The following FAF1 variants were observed in gnomAD, a reference collection of about 807,000 sequenced individuals.
FAF1 encodes the protein FAS-associated factor 1.
FAF1 carries 25 observed loss-of-function variants against 92.5 expected under a neutral mutation model. The ratio of observed to expected loss-of-function variants is 0.27; its 90% CI spans 0.20 to 0.38. FAF1 has a LOEUF of 0.38. Ranked by LOEUF, FAF1 falls within the 10% of genes least tolerant of loss-of-function variation. FAF1 has a pLI of 1.00. For missense variants in FAF1, 636 were observed against 793.3 expected (o/e 0.80, Z 2.38); for synonymous variants, 234 against 273.2 (o/e 0.86, Z 1.42).
chr1:50,607,662 C>A (rs1165217604), intron 8 of FAF1, among the ~76,000 whole-genome samples: 1 of 152,214 alleles, frequency 6.6e-6, no homozygotes, highest in Admixed American at 6.5e-5. Context: ...AAAACTTCTT[C>A]AAAACTCAGC....
chr1:50,883,737 A>T (rs530795905), intron 1 of FAF1, among the ~76,000 whole-genome samples: 85 of 152,290 alleles, frequency 5.6e-4, no homozygotes, highest in South Asian at 8.3e-4. Flanking sequence ...TGTAAAAAAA[A>T]TTTTTTCAGC....
At chr1:50,715,111 C>T (rs1030189624) in intron 6 of FAF1, 7 of 353,710 alleles carry the variant, frequency 2.0e-5, no homozygotes, top group African/African-American at 1.1e-4. Context: ...TCTTCATCTA[C>T]CCTCAGATAT....
intron 1 of FAF1, among the ~76,000 whole-genome samples, chr1:50,878,509 G>T (rs1644587912): frequency 6.6e-6 from 1 of 152,254 alleles, no homozygotes; most frequent in Non-Finnish European, 1.5e-5. Context: ...TCAAAATACA[G>T]CAAGGAATAT....
intron 1 of FAF1, among the ~76,000 whole-genome samples, chr1:50,901,304 G>A (rs895705406): frequency 7.0e-4 from 107 of 152,208 alleles, no homozygotes; most frequent in African/African-American, 2.4e-3. Context: ...TGGGGAAGAA[G>A]GGAATAAACA....
chr1:50,868,611 A>G (rs1644502117), intron 1 of FAF1, among the ~76,000 whole-genome samples: 2 of 152,132 alleles, frequency 1.3e-5, no homozygotes, highest in Non-Finnish European at 2.9e-5. Flanking sequence ...GTTCATTATC[A>G]TTCAGTTCAA....
chr1:50,636,315 C>G (rs1654004727), intron 8 of FAF1, among the ~76,000 whole-genome samples: 1 of 150,926 alleles, frequency 6.6e-6, no homozygotes, highest in Non-Finnish European at 1.5e-5. Context: ...TTCTAGTCAA[C>G]TACCATACCT....
chr1:50,596,082 G>A (rs1651799454), intron 9 of FAF1, 39 bp downstream of exon 9: 1 of 1,381,598 alleles, frequency 7.2e-7, no homozygotes. Context: ...GGTGGGGGAT[G>A]GGCCTTCTGT....
intron 17 of FAF1, among the ~76,000 whole-genome samples, chr1:50,479,738 C>T (rs944426191): frequency 6.6e-6 from 1 of 152,186 alleles, no homozygotes; most frequent in African/African-American, 2.4e-5. Flanking sequence ...ATTCATTATA[C>T]AGACAATGTC....
At chr1:50,763,644 T>C (rs1660445784) in intron 4 of FAF1, among the ~76,000 whole-genome samples, 1 of 152,198 alleles carries the variant, frequency 6.6e-6, no homozygotes, top group Non-Finnish European at 1.5e-5. Flanking sequence ...TCAGTTTGCA[T>C]TGTTTTTATT....
chr1:50,757,022 G>A (rs1660102619), intron 4 of FAF1, among the ~76,000 whole-genome samples: 1 of 152,088 alleles, frequency 6.6e-6, no homozygotes. Context: ...TTTGACCTAT[G>A]GTTTATTTAG....
chr1:50,642,903 C>T (rs1183571942), intron 8 of FAF1, among the ~76,000 whole-genome samples: 4 of 151,940 alleles, frequency 2.6e-5, no homozygotes, highest in Admixed American at 6.6e-5. Flanking sequence ...TTCAATGGCA[C>T]GATCTTGGCT....
chr1:50,537,838 T>C (rs1648564436), intron 14 of FAF1, among the ~76,000 whole-genome samples: 1 of 152,130 alleles, frequency 6.6e-6, no homozygotes, highest in African/African-American at 2.4e-5. Context: ...AGATATGTAG[T>C]TGGAAAAGGG....
At chr1:50,670,495 A>G (rs908141117) in intron 7 of FAF1, among the ~76,000 whole-genome samples, 1 of 152,212 alleles carries the variant, frequency 6.6e-6, no homozygotes, top group African/African-American at 2.4e-5. Flanking sequence ...AAAACAGACT[A>G]TTGATAAACT....
chr1:50,868,047 G>A (rs1422207844), intron 1 of FAF1, among the ~76,000 whole-genome samples: 1 of 152,142 alleles, frequency 6.6e-6, no homozygotes, highest in African/African-American at 2.4e-5. Flanking sequence ...AGGAGTTGAA[G>A]ACCATCATTC....
chr1:50,490,390 A>AGGAG lies in FAF1; in HGVS notation c.1653+197_1653+198insCTCC, dbSNP rs1455681553. Among the ~76,000 whole-genome samples the AGGAG allele has an allele frequency of 7.5e-4, 14 of 18,586 alleles. No homozygotes were observed. In the East Asian group the frequency reaches 0.011, roughly 15 times the overall value. 12.2% of individuals were successfully genotyped at this position (18,586 alleles called of 152,430 possible). On this transcript the variant is annotated intron_variant, in intron 17 of 18. Coordinates refer to ENST00000396153, the MANE Select transcript of FAF1 (RefSeq NM_007051.3). ...AGCGAAGACTCTATCTCAAAAAGGAAGGAAGGAAGGAAGGAAGGAAGGAAG... is the reference window on the plus strand; with the variant it reads ...AGCGAAGACTCTATCTCAAAAAGGAAGGAGGGAAGGAAGGAAGGAAGGAAGGAAG...
intron 6 of FAF1, among the ~76,000 whole-genome samples, chr1:50,711,758 C>T (rs1416583651): frequency 6.6e-6 from 1 of 152,208 alleles, no homozygotes; most frequent in Non-Finnish European, 1.5e-5. Context: ...AGCCACCACA[C>T]CCGGCCTGTT....
chr1:50,585,855 A>T (rs151223218), intron 9 of FAF1, among the ~76,000 whole-genome samples: 10 of 149,408 alleles, frequency 6.7e-5, no homozygotes, highest in African/African-American at 2.5e-4. Context: ...TAGCCTGGGC[A>T]TCATGGCCAG....
intron 15 of FAF1, among the ~76,000 whole-genome samples, chr1:50,533,365 C>T (rs544861379): frequency 2.0e-5 from 3 of 152,200 alleles, no homozygotes; most frequent in East Asian, 1.9e-4. Flanking sequence ...GAGCCACCCC[C>T]GAGCCCTGGC....
chr1:50,744,582 A>C, intron 5 of FAF1, 102 bp downstream of exon 5: 1 of 733,874 alleles, frequency 1.4e-6, no homozygotes, highest in South Asian at 1.6e-5. Context: ...CAAATCTACT[A>C]CTGCCATATG....
Sources: gnomAD v4.1 joint callset for allele counts (sites outside exome capture counted in the v4.1 genomes callset) on GRCh38, gnomAD v4.1.1 for gene constraint, MANE v1.5 for transcripts, NCBI Gene and HGNC (gene_info 2026-07-23, HGNC 2026-07-21) for gene names.